Variants in EIF3D observed in about 807,000 individuals in gnomAD.
The protein encoded by EIF3D is eIF3 p66.
Under a neutral mutation model 75.4 loss-of-function variants are expected in EIF3D, and 10 were observed. The ratio of observed to expected loss-of-function variants is 0.13; its 90% CI spans 0.08 to 0.22. EIF3D has a LOEUF of 0.22. Among genes scored for constraint, EIF3D ranks in the 10% least tolerant of loss-of-function variants. The pLI is 1.00. For synonymous variants in EIF3D, 246 were observed against 248.3 expected (o/e 0.99, Z 0.09); for missense variants, 394 against 708.0 (o/e 0.56, Z 5.03).
At chr22:36,520,960 G>A (rs1934503152) in intron 6 of EIF3D, among the ~76,000 whole-genome samples, 1 of 151,970 alleles carries the variant, frequency 6.6e-6, no homozygotes, top group Non-Finnish European at 1.5e-5. Flanking sequence ...GGCCCTTTGG[G>A]AGGCCAAGGC....
rs1466531823 is a variant in EIF3D, at chr22:36,520,589, C to G, written c.565G>C (p.Glu189Gln). The change falls in exon 7 of 15, where the codon GAG becomes CAG. Residue 189 changes from glutamate to glutamine, a missense_variant. Physicochemically the swap from Glu to Gln is conservative, Grantham distance 29. Transcript: ENST00000216190. ...LMKMRYLEVSEPQDIECCGAL... is the reference protein window; with the variant it reads ...LMKMRYLEVSQPQDIECCGAL... The stretch of plus-strand genomic sequence containing the variant: ...GATGCTGCTTACATGTCCTGTGGCT[C>G]TGATACTTCCAAGTAGCGCATCTTC... 6.2e-7 allele frequency: 1 copy of G among 1,612,604 alleles called. No individual in the cohort carries two copies.
At chr22:36,512,254 T>C (rs969479432) in intron 13 of EIF3D, among the ~76,000 whole-genome samples, 9 of 152,204 alleles carry the variant, frequency 5.9e-5, no homozygotes, top group African/African-American at 2.2e-4. Flanking sequence ...CTGGATTTCA[T>C]TGACACCATT....
At position 36,523,953 on chromosome 22, in the gene EIF3D, G is replaced by A. The variant is rs773917881; in HGVS notation, c.334C>T (p.Arg112Trp). Residue 112 changes from arginine (R) to tryptophan (W), a missense_variant, in exon 5 of 15, where the codon CGG (arginine) becomes TGG (tryptophan). By Grantham distance (101) the Arg-to-Trp change is moderately radical (BLOSUM62 -3). Transcript: ENST00000216190. ...QRNLRRDKDRRNMLQFNLQIL... is the reference protein window; with the variant it reads ...QRNLRRDKDRWNMLQFNLQIL... ...TGCAGGTTGAACTGCAACATGTTCC[G>A]ACGATCTTTGTCTCTGCGGAGGTTC... 2.5e-6 allele frequency: 4 copies of A among 1,614,096 alleles called. No individual in the cohort carries two copies. The highest frequency in any genetic ancestry group is 1.7e-6 in the Non-Finnish European group (2 of 1,180,018).
rs1934546000 is a variant in EIF3D at position 36,523,391 on chromosome 22, T to C, written c.393-110A>G. The C allele has an allele frequency of 6.0e-6, 5 of 830,836 alleles. No individual in the cohort carries two copies. The Admixed American group carries it at 9.3e-5, about 15-fold the overall frequency. The allele number at this position is 830,836 out of a possible 1,614,324, so 51.5% of individuals were successfully genotyped here. The stretch of plus-strand genomic sequence containing the variant: ...AAACCTTACCATCACCACTAACTCC[T>C]TTAAACTACGAAAAATGGGCTTAGA... On this transcript the variant is annotated intron_variant, in intron 5 of 14. Coordinates refer to ENST00000216190, the MANE Select transcript of EIF3D (RefSeq NM_003753.4).
rs1009626525 is a variant in EIF3D at position 36,512,704 on chromosome 22, A to G, written c.1207-102T>C. 10 of 1,390,710 alleles carry G rather than the reference A, an allele frequency of 7.2e-6. No individual in the cohort carries two copies. The East Asian group carries it at 1.2e-4, about 17-fold the overall frequency. 86.1% of individuals were successfully genotyped at this position (1,390,710 alleles called of 1,614,324 possible). A position where few individuals can be genotyped will look rare whatever the true frequency, so the allele number is the denominator to read the frequency against. ...GGAACTCCCTAGTCTGCTTGCTTAG[A>G]AAGTGGGTAGGTACGCACTAAATCT... On this transcript the variant is annotated intron_variant, in intron 12 of 14. Transcript: ENST00000216190.
intron 10 of EIF3D, 128 bp downstream of exon 10, chr22:36,517,173 T>G (rs1322753258): frequency 1.6e-6 from 2 of 1,256,490 alleles, no homozygotes; most frequent in Non-Finnish European, 2.2e-6. Context: ...GTAACTCCCC[T>G]GCTAAAGGTG....
intron 12 of EIF3D, 95 bp downstream of exon 12, chr22:36,516,383 T>G (rs1357184853): frequency 2.1e-6 from 3 of 1,462,154 alleles, no homozygotes; most frequent in Admixed American, 4.4e-5. Context: ...CGAAAGGGGA[T>G]AAGAAACAGT....
intron 12 of EIF3D, among the ~76,000 whole-genome samples, chr22:36,513,197 C>T (rs1042153792): frequency 6.6e-6 from 1 of 152,182 alleles, no homozygotes; most frequent in African/African-American, 2.4e-5. Flanking sequence ...AAGTTGGACC[C>T]AGAGTGAAAT....
chr22:36,526,613 C>CTTTTTTTTTTTTTTT (rs542035473), intron 1 of EIF3D, among the ~76,000 whole-genome samples: 1 of 145,734 alleles, frequency 6.9e-6, no homozygotes, highest in African/African-American at 2.5e-5. Context: ...TTCTTTCTTT[C>CTTTTTTTTTTTTTTT]TTTTTTTTTT....
At chr22:36,516,965 C>A in intron 10 of EIF3D, 175 bp from the exon 11 acceptor site, 1 of 642,456 alleles carries the variant, frequency 1.6e-6, no homozygotes, top group South Asian at 1.9e-5. Flanking sequence ...CAACTGTTAG[C>A]ACCTGATGAA....
intron 4 of EIF3D, 119 bp from the exon 5 acceptor site, chr22:36,524,099 A>C: frequency 2.0e-6 from 2 of 1,001,304 alleles, no homozygotes; most frequent in South Asian, 2.7e-5. Context: ...TTCACATCTT[A>C]CTCTGTGCTT....
intron 1 of EIF3D, chr22:36,528,606 A>AGGG (rs1934646065): frequency 1.5e-5 from 2 of 135,222 alleles, no homozygotes; most frequent in Admixed American, 7.1e-5. Context: ...GGGGTGGGGT[A>AGGG]GATTTAAGAT....
At chr22:36,511,273 T>C in intron 14 of EIF3D, 1 of 895,730 alleles carries the variant, frequency 1.1e-6, no homozygotes, top group Non-Finnish European at 1.6e-6. Context: ...TTCCTCTACC[T>C]CTGCCACAGT....
At chr22:36,515,868 T>C (rs1934417136) in intron 12 of EIF3D, among the ~76,000 whole-genome samples, 6 of 122,194 alleles carry the variant, frequency 4.9e-5, no homozygotes, top group Non-Finnish European at 9.7e-5. Context: ...AACCTTCCAG[T>C]GTGCTCTTTC....
Position 36,526,008 on chromosome 22 carries a change from C to A in EIF3D, c.114G>T (p.Arg38=), listed in dbSNP as rs1934592611. Residue 38 remains arginine (R), a synonymous_variant, in exon 2 of 15, where the codon CGG becomes CGT. Transcript: ENST00000216190. ...MPYQPFSKGD[R]LGKVADWTGA... ...GCTGACAGGCATGTACCTTTCCTAG[C>A]CGATCTCCTTTGCTGAACGGCTGGT... is the stretch of plus-strand genomic sequence containing the variant. 3 of 1,611,220 alleles carry A rather than the reference C, an allele frequency of 1.9e-6. No individual in the cohort carries two copies. The East Asian group carries it at 6.7e-5, about 36-fold the overall frequency.
At position 36,516,468 on chromosome 22, in the gene EIF3D, G is replaced by A. The variant is rs899970698; in HGVS notation, c.1206+10C>T. 6.2e-7 allele frequency: 1 copy of A among 1,612,694 alleles called. No homozygotes were observed. Among genetic ancestry groups the A allele is most frequent in the Non-Finnish European group, 8.5e-7 (1 of 1,178,898 alleles). On this transcript the variant is annotated intron_variant, in intron 12 of 14. Transcript: ENST00000216190. ...GTGTCACCAGGAGGGTGATGGAGATGGCGGCTCACCCTGGAATCCCACTCA... is the reference window on the plus strand; with the variant it reads ...GTGTCACCAGGAGGGTGATGGAGATAGCGGCTCACCCTGGAATCCCACTCA...
chr22:36,524,063 T>A, intron 4 of EIF3D, 83 bp from the exon 5 acceptor site: 3 of 1,365,942 alleles, frequency 2.2e-6, no homozygotes, highest in Non-Finnish European at 3.1e-6. Flanking sequence ...GTCTTTGGAG[T>A]AAATTTAGGA....
At position 36,516,627 on chromosome 22, in the gene EIF3D, C is replaced by G; in HGVS notation, c.1077-20G>C. 6.2e-7 allele frequency: 1 copy of G among 1,613,980 alleles called. No homozygotes were observed. The highest frequency in any genetic ancestry group is 1.1e-5 in the South Asian group (1 of 91,084). ...CGGTAACTGCAGCAAAAAAGAAACT[C>G]ATGTGGTCACTGGGGATTCTATAGA... is the stretch of plus-strand genomic sequence containing the variant. On this transcript the variant is annotated intron_variant, in intron 11 of 14. Transcript: ENST00000216190.
At chr22:36,512,674 G>C in intron 12 of EIF3D, 72 bp from the exon 13 acceptor site, 3 of 1,537,304 alleles carry the variant, frequency 2.0e-6, no homozygotes, top group Non-Finnish European at 2.6e-6. Flanking sequence ...TCCTCTGGCA[G>C]AGAAGGAACT....
Sources: allele counts gnomAD v4.1 joint callset (sites outside exome capture counted in the v4.1 genomes callset), GRCh38; gene constraint gnomAD v4.1.1; transcripts MANE v1.5; gene names NCBI Gene and HGNC (gene_info 2026-07-23, HGNC 2026-07-21).